The following LRFN2 variants were observed in gnomAD, a reference collection of about 807,000 sequenced individuals.
LRFN2 encodes leucine-rich repeat and fibronectin type-III domain-containing protein 2.
In LRFN2, 18 loss-of-function variants were observed where a neutral mutation model predicts 37.3. The ratio of observed to expected loss-of-function variants is 0.48; its 90% CI spans 0.33 to 0.72. LRFN2 has a LOEUF of 0.72. Among genes scored for constraint, LRFN2 ranks in the 30% least tolerant of loss-of-function variants. LRFN2 has a pLI of 0.02. For missense variants in LRFN2, 1,006 were observed against 1,060.7 expected (o/e 0.95, Z 0.72); for synonymous variants, 556 against 466.6 (o/e 1.19, Z -2.47).
intron 1 of LRFN2, among the ~76,000 whole-genome samples, chr6:40,495,575 G>A (rs1765206040): frequency 6.6e-6 from 1 of 152,074 alleles, no homozygotes; most frequent in South Asian, 2.1e-4. Flanking sequence ...CTCTCCTCAT[G>A]GCCATCCATA....
rs55706368 is a variant in LRFN2, at chr6:40,392,851, C to T, written c.1462G>A (p.Asp488Asn). The T allele has an allele frequency of 1.2e-5, 19 of 1,613,900 alleles. No individual in the cohort carries two copies. Among genetic ancestry groups the T allele is most frequent in the South Asian group, 2.2e-5 (2 of 91,030 alleles). Residue 488 changes from aspartate to asparagine, a missense_variant, in exon 3 of 3, where the codon GAC becomes AAC. Transcript: ENST00000338305. This position sits in a 1 kb window ranked among gnomAD's most constrained non-coding sequence, Gnocchi z 4.7. Reference sequence around the variant, plus strand: ...TCCCACATGGCCAGCACACACAAGTCGTAGCCAGTCCCTGACACCAGGTTG... The same window carrying T: ...TCCCACATGGCCAGCACACACAAGTTGTAGCCAGTCCCTGACACCAGGTTG... ...VNNLVSGTGY[D>N]LCVLAMWDDT...
intron 1 of LRFN2, among the ~76,000 whole-genome samples, chr6:40,509,335 G>A (rs1393118713): frequency 6.6e-6 from 1 of 152,276 alleles, no homozygotes; most frequent in Non-Finnish European, 1.5e-5. Flanking sequence ...TGGTTTGACT[G>A]TCACCTTTCA....
intron 1 of LRFN2, among the ~76,000 whole-genome samples, chr6:40,503,290 A>T (rs1454746352): frequency 1.3e-5 from 2 of 152,144 alleles, no homozygotes; most frequent in Admixed American, 6.5e-5. Context: ...AACAGTCGGG[A>T]GGCTGTAGTG....
chr6:40,394,518 C>T (rs193186436), intron 2 of LRFN2, among the ~76,000 whole-genome samples: 119 of 152,314 alleles, frequency 7.8e-4, no homozygotes, highest in African/African-American at 2.7e-3. Context: ...GCACAGAGGA[C>T]TGGAACTGAC....
chr6:40,504,619 A>T (rs1765480665), intron 1 of LRFN2, among the ~76,000 whole-genome samples: 1 of 152,180 alleles, frequency 6.6e-6, no homozygotes, highest in Non-Finnish European at 1.5e-5. Flanking sequence ...TGAAGGTCAG[A>T]AGGAAACAGT....
intron 1 of LRFN2, among the ~76,000 whole-genome samples, chr6:40,561,572 C>T (rs1167313715): frequency 6.6e-6 from 1 of 152,200 alleles, no homozygotes; most frequent in Non-Finnish European, 1.5e-5. Context: ...CTTGTCAGTA[C>T]ATGGGGTACT....
chr6:40,432,382 A>C lies in LRFN2; in HGVS notation c.732T>G (p.Leu244=), dbSNP rs747673660. ...PLSFSFGGNP[L]HCNCELLWLR... ...GCCAGAGAAGCTCACAATTGCAGTGAAGTGGGTTACCCCCAAAACTAAAGG... is the reference window on the plus strand; with the variant it reads ...GCCAGAGAAGCTCACAATTGCAGTGCAGTGGGTTACCCCCAAAACTAAAGG... Residue 244 remains leucine, a synonymous_variant, in exon 2 of 3, where the codon CTT becomes CTG. Transcript: ENST00000338305. 3 of 1,614,168 alleles carry C rather than the reference A, an allele frequency of 1.9e-6. No individual in the cohort carries two copies. The Admixed American group carries it at 5.0e-5, about 27-fold the overall frequency.
intron 1 of LRFN2, among the ~76,000 whole-genome samples, chr6:40,435,052 T>TATATATATATATATAGAG (rs1482968698): frequency 2.7e-5 from 1 of 37,536 alleles, no homozygotes; most frequent in Non-Finnish European, 4.9e-5. Context: ...TATATATATA[T>TATATATATATATATAGAG]AGAGAGAGAG....
chr6:40,544,393 T>C (rs1766615413), intron 1 of LRFN2, among the ~76,000 whole-genome samples: 1 of 152,242 alleles, frequency 6.6e-6, no homozygotes, highest in Non-Finnish European at 1.5e-5. Context: ...CCAGCCTTTG[T>C]TTCCCAACCC....
intron 1 of LRFN2, among the ~76,000 whole-genome samples, chr6:40,458,629 T>C (rs1348496994): frequency 6.6e-6 from 1 of 152,208 alleles, no homozygotes. Flanking sequence ...CCAGGGTTGC[T>C]TGGGCAAATG....
chr6:40,419,638 G>A (rs563217264), intron 2 of LRFN2, among the ~76,000 whole-genome samples: 66 of 152,202 alleles, frequency 4.3e-4, no homozygotes, highest in African/African-American at 1.5e-3. Flanking sequence ...TACACCAGGG[G>A]CCCTCACAGG....
intron 1 of LRFN2, among the ~76,000 whole-genome samples, chr6:40,575,670 G>A (rs1297279545): frequency 3.3e-5 from 5 of 152,124 alleles, no homozygotes; most frequent in Admixed American, 3.3e-4. Flanking sequence ...GGACAAGAAT[G>A]CCTCTTGTAG....
At chr6:40,582,631 G>A (rs116192195) in intron 1 of LRFN2, among the ~76,000 whole-genome samples, 4,431 of 149,996 alleles carry the variant, frequency 0.03, 178 homozygotes, top group African/African-American at 0.1. Context: ...CTGATTTTCC[G>A]TTGCATGGAA....
Position 40,432,400 on chromosome 6 carries a change from A to C in LRFN2, c.714T>G (p.Ser238Arg), listed in dbSNP as rs2113824916. ...TGCAGTGAAGTGGGTTACCCCCAAA[A>C]CTAAAGGACAAGGGTGGGGCAAAGG... ...ATPFAPPLSF[S>R]FGGNPLHCNC... Residue 238 changes from serine (S) to arginine (R), a missense_variant, in exon 2 of 3, where the codon AGT (serine) becomes AGG (arginine). Physicochemically the swap from Ser to Arg is moderately radical, Grantham distance 110. This residue lies in a region of LRFN2 where 303 missense variants were observed against 299.8 expected (regional missense o/e 1.01). Transcript: ENST00000338305. 6.2e-7 allele frequency: 1 copy of C among 1,614,116 alleles called. No homozygotes were observed. The highest frequency in any genetic ancestry group is 1.6e-4 in the Middle Eastern group (1 of 6,062).
At chr6:40,443,872 T>A (rs1763903367) in intron 1 of LRFN2, among the ~76,000 whole-genome samples, 1 of 152,134 alleles carries the variant, frequency 6.6e-6, no homozygotes, top group Admixed American at 6.5e-5. Context: ...TAGAGGGCAG[T>A]TTCTAGAACC....
intron 1 of LRFN2, among the ~76,000 whole-genome samples, chr6:40,467,371 A>T (rs1392130498): frequency 2.6e-5 from 4 of 152,076 alleles, no homozygotes; most frequent in Non-Finnish European, 5.9e-5. Context: ...GGCTGGACTC[A>T]GCCTGCAGAT....
At chr6:40,429,303 C>T (rs562321610) in intron 2 of LRFN2, among the ~76,000 whole-genome samples, 3 of 152,346 alleles carry the variant, frequency 2.0e-5, no homozygotes, top group South Asian at 4.1e-4. Flanking sequence ...TGGCAAGCTG[C>T]GCCATTTTGG....
At chr6:40,448,830 T>C (rs1764034499) in intron 1 of LRFN2, among the ~76,000 whole-genome samples, 1 of 152,156 alleles carries the variant, frequency 6.6e-6, no homozygotes, top group Admixed American at 6.5e-5. Flanking sequence ...AGCTGGAGAT[T>C]GAATGGAGGA....
intron 1 of LRFN2, among the ~76,000 whole-genome samples, chr6:40,482,079 G>T (rs1764843534): frequency 6.6e-6 from 1 of 152,182 alleles, no homozygotes; most frequent in Admixed American, 6.5e-5. Flanking sequence ...CTGCAGCCAG[G>T]CAGTGTGACA....
Sources: gnomAD v4.1 joint callset for allele counts (sites outside exome capture counted in the v4.1 genomes callset) on GRCh38, gnomAD v4.1.1 for gene constraint, gnomAD v4.1.1 regional missense constraint, Gnocchi (gnomAD v3.1) non-coding constraint, MANE v1.5 for transcripts, NCBI Gene and HGNC (gene_info 2026-07-23, HGNC 2026-07-21) for gene names.